MS4A14: variants seen among roughly 807,000 people sequenced by gnomAD.
The protein encoded by MS4A14 is membrane spanning 4-domains A14, also known as membrane-spanning 4-domains subfamily A member 14.
In MS4A14, 18 loss-of-function variants were observed where a neutral mutation model predicts 16.7. That is an observed-to-expected ratio of 1.08 (90% CI 0.75 to 1.60). The LOEUF is 1.60. MS4A14 is among the 40% of genes most tolerant of loss of function. The probability of loss-of-function intolerance (pLI) is 0.00; values close to 1 mark genes in which losing one functional copy is unlikely to be tolerated. For synonymous variants in MS4A14, 305 were observed against 289.4 expected, an observed-to-expected ratio of 1.05 and a Z score of -0.55; for missense variants, 812 against 775.3, an observed-to-expected ratio of 1.05 and a Z score of -0.56.
In MS4A14 at chr11:60,415,913, A is replaced by G. The variant is rs201469306; in HGVS notation, c.945A>G (p.Ile315Met). The part of the protein sequence containing the change: ...PSHSALKLED[I>M]SPEDLPSQAL... ...ATTCTGCACTAAAACTCGAAGATAT[A>G]TCACCTGAAGACTTGCCATCCCAAG... The change falls in exon 5 of 5, where the codon ATA becomes ATG. Residue 315 changes from isoleucine (I) to methionine (M), a missense_variant. Physicochemically the swap from Ile to Met is conservative, Grantham distance 10. Transcript: ENST00000300187. The G allele has an allele frequency of 9.9e-5, 160 of 1,613,956 alleles. No individual in the cohort carries two copies. The East Asian group carries it at 1.8e-3, about 19-fold the overall frequency.
chr11:60,409,427 T>A (rs2085834995), intron 4 of MS4A14, among the ~76,000 whole-genome samples: 1 of 152,044 alleles, frequency 6.6e-6, no homozygotes, highest in Non-Finnish European at 1.5e-5. Flanking sequence ...TGTTTGTCTT[T>A]CTCAGCCTGG....
At chr11:60,400,088 C>T (rs1436682187) in intron 2 of MS4A14, among the ~76,000 whole-genome samples, 1 of 152,184 alleles carries the variant, frequency 6.6e-6, no homozygotes, top group East Asian at 1.9e-4. Flanking sequence ...TCCTCCTCTT[C>T]TCTTCAAGGC....
At chr11:60,402,851 CA>C (rs2085734180) in intron 3 of MS4A14, 60 bp from the exon 4 acceptor site, 41 of 1,524,562 alleles carry the variant, frequency 2.7e-5, no homozygotes, top group Non-Finnish European at 3.6e-5. Flanking sequence ...AAATTTCTTA[CA>C]AGATATTTTT....
At chr11:60,415,303 C>A in intron 4 of MS4A14, 134 bp from the exon 5 acceptor site, 3 of 888,586 alleles carry the variant, frequency 3.4e-6, no homozygotes, top group South Asian at 2.0e-5. Flanking sequence ...GACTGGCATT[C>A]GTTTTCTGCC....
rs201227484 is a variant in MS4A14 at position 60,416,550 on chromosome 11, C to T, written c.1582C>T (p.Pro528Ser). Residue 528 changes from proline (P) to serine (S), a missense_variant, in exon 5 of 5, where the codon CCA becomes TCA. Physicochemically the swap from Pro to Ser is moderately conservative, Grantham distance 74 (BLOSUM62 -1). Coordinates refer to ENST00000300187, the MANE Select transcript of MS4A14 (RefSeq NM_032597.5). Reference sequence around the variant, plus strand: ...TCAGCAAAGCAAAGGCTGGCAATCTCCAAAGCAGAAATCCTTAGACCAGCA... The same window carrying T: ...TCAGCAAAGCAAAGGCTGGCAATCTTCAAAGCAGAAATCCTTAGACCAGCA... ...LDQQSKGWQS[P>S]KQKSLDQQIK... 2.6e-4 allele frequency: 425 copies of T among 1,613,672 alleles called. No homozygotes were observed. Among genetic ancestry groups the T allele is most frequent in the Non-Finnish European group, 3.5e-4 (415 of 1,179,912 alleles).
chr11:60,415,331 T>G lies in MS4A14; in HGVS notation c.469-106T>G, dbSNP rs1382083006. 8.1e-6 allele frequency: 10 copies of G among 1,229,414 alleles called. No homozygotes were observed. The East Asian group carries it at 2.2e-4, about 27-fold the overall frequency. 76.2% of individuals were successfully genotyped at this position (1,229,414 alleles called of 1,614,324 possible). A position where few individuals can be genotyped will look rare whatever the true frequency, so the allele number is the denominator to read the frequency against. ...TTTCTGCCTTCTCATTTAGATGTTA[T>G]TTCCTATCTACTGTCTTAAGTCAGA... is the stretch of plus-strand genomic sequence containing the variant. On this transcript the variant is annotated intron_variant, in intron 4 of 4. Coordinates refer to ENST00000300187, the MANE Select transcript of MS4A14 (RefSeq NM_032597.5).
rs140456628 is a variant in MS4A14, at chr11:60,416,407, G to C, written c.1439G>C (p.Arg480Thr). Residue 480 changes from arginine (R) to threonine (T), a missense_variant, in exon 5 of 5, where the codon AGA becomes ACA. By Grantham distance (71) the Arg-to-Thr change is moderately conservative (BLOSUM62 -1). Transcript: ENST00000300187. Reference protein sequence around the residue: ...EWKSEEELHRRKSSRRHSLNQ... With the variant: ...EWKSEEELHRTKSSRRHSLNQ... ...AAATCTGAGGAGGAACTCCATAGAA[G>C]AAAATCCTCAAGACGGCATTCCTTA... 1.9e-6 allele frequency: 3 copies of C among 1,613,964 alleles called. No homozygotes were observed. Among genetic ancestry groups the C allele is most frequent in the Non-Finnish European group, 1.7e-6 (2 of 1,179,944 alleles).
intron 3 of MS4A14, among the ~76,000 whole-genome samples, chr11:60,401,229 T>C (rs555529842): frequency 2.0e-5 from 3 of 152,366 alleles, no homozygotes; most frequent in African/African-American, 7.2e-5. Flanking sequence ...TTTAAGGTCC[T>C]GGGGATGTGG....
chr11:60,404,889 G>A (rs1339028892), intron 4 of MS4A14, among the ~76,000 whole-genome samples: 1 of 152,134 alleles, frequency 6.6e-6, no homozygotes, highest in African/African-American at 2.4e-5. Flanking sequence ...CATGATGTAA[G>A]TTCTACAAAA....
Position 60,402,962 on chromosome 11 carries a change from T to C in MS4A14, c.369T>C (p.Thr123=). ...TTATCAGCTCCTTGGTTGCGATAAC[T>C]GGGATTACTTTCACCATTCTCAGCT... ...MNVISSLVAI[T]GITFTILSYR... The change falls in exon 4 of 5, where the codon ACT becomes ACC. Residue 123 remains threonine, a synonymous_variant. Coordinates refer to ENST00000300187, the MANE Select transcript of MS4A14 (RefSeq NM_032597.5). The C allele has an allele frequency of 1.2e-6, 2 of 1,613,862 alleles. No homozygotes were observed. The highest frequency in any genetic ancestry group is 1.7e-6 in the Non-Finnish European group (2 of 1,179,794).
chr11:60,411,108 A>C (rs1488721861), intron 4 of MS4A14, among the ~76,000 whole-genome samples: 1 of 152,210 alleles, frequency 6.6e-6, no homozygotes, highest in East Asian at 1.9e-4. Context: ...GGCCTCCCAA[A>C]GTGCTAGGAT....
Position 60,396,474 on chromosome 11 carries a change from G to A in MS4A14, c.-105G>A. The A allele has an allele frequency of 7.9e-7, 1 of 1,269,536 alleles. No homozygotes were observed. The highest frequency in any genetic ancestry group is 1.5e-5 in the African/African-American group (1 of 67,262). The allele number at this position is 1,269,536 out of a possible 1,614,324, so 78.6% of individuals were successfully genotyped here. On this transcript the variant is annotated 5_prime_UTR_variant, in exon 1 of 5. Transcript: ENST00000300187. ...ACTACTGAGTAGAGTCATCACTAAG[G>A]GCTCATCTCTGAGGGCTCCATGTGA...
chr11:60,413,633 C>T (rs1347237404), intron 4 of MS4A14, among the ~76,000 whole-genome samples: 1 of 151,984 alleles, frequency 6.6e-6, no homozygotes, highest in African/African-American at 2.4e-5. Context: ...ATAAGTTACA[C>T]TAAATAACTC....
At chr11:60,410,796 A>AT in intron 4 of MS4A14, among the ~76,000 whole-genome samples, 1 of 151,676 alleles carries the variant, frequency 6.6e-6, no homozygotes. Context: ...ATTGGTCTAT[A>AT]TATCTTCCCT....
chr11:60,401,718 T>C (rs2085716294), intron 3 of MS4A14, among the ~76,000 whole-genome samples: 1 of 152,176 alleles, frequency 6.6e-6, no homozygotes, highest in African/African-American at 2.4e-5. Context: ...TAAAGCCCAA[T>C]ACACATGAGG....
At chr11:60,414,569 T>C (rs2085911656) in intron 4 of MS4A14, among the ~76,000 whole-genome samples, 1 of 152,038 alleles carries the variant, frequency 6.6e-6, no homozygotes, top group African/African-American at 2.4e-5. Flanking sequence ...CTAAAAATTA[T>C]AATAATAAAA....
At position 60,415,993 on chromosome 11, in the gene MS4A14, C is replaced by T; in HGVS notation, c.1025C>T (p.Ser342Phe). ...ACCATGCCATCTAAGTCTACATCATCCCATGTCAAACAGTCTTCTAATCTG... is the reference window on the plus strand; with the variant it reads ...ACCATGCCATCTAAGTCTACATCATTCCATGTCAAACAGTCTTCTAATCTG... ...EQTMPSKSTS[S>F]HVKQSSNLTA... Residue 342 changes from serine (S) to phenylalanine (F), a missense_variant, in exon 5 of 5, where the codon TCC (serine) becomes TTC (phenylalanine). Transcript: ENST00000300187. 1 of 1,613,916 alleles carries T rather than the reference C, an allele frequency of 6.2e-7. No individual in the cohort carries two copies. Among genetic ancestry groups the T allele is most frequent in the Non-Finnish European group, 8.5e-7 (1 of 1,179,934 alleles).
chr11:60,410,982 A>T (rs1265368329), intron 4 of MS4A14, among the ~76,000 whole-genome samples: 16 of 152,056 alleles, frequency 1.1e-4, no homozygotes. Flanking sequence ...AGTAGCTGGG[A>T]CTATAGGCGC....
chr11:60,411,938 C>T (rs1047805913), intron 4 of MS4A14, among the ~76,000 whole-genome samples: 15 of 151,972 alleles, frequency 9.9e-5, no homozygotes, highest in African/African-American at 3.6e-4. Context: ...AGGAATTTTC[C>T]ATCTCTTCCT....
Sources: gnomAD v4.1 joint callset for allele counts (sites outside exome capture counted in the v4.1 genomes callset) on GRCh38, gnomAD v4.1.1 for gene constraint, MANE v1.5 for transcripts, NCBI Gene and HGNC (gene_info 2026-07-23, HGNC 2026-07-21) for gene names.